The following EFNA5 variants were observed in gnomAD, a reference collection of about 807,000 sequenced individuals.
EFNA5 encodes ephrin-A5.
EFNA5 carries 5 observed loss-of-function variants against 22.9 expected under a neutral mutation model. The observed-to-expected ratio is 0.22, with a 90% CI of 0.11 to 0.46. EFNA5 has a LOEUF of 0.46. Among genes scored for constraint, EFNA5 ranks in the 20% least tolerant of loss-of-function variants. The probability of loss-of-function intolerance (pLI) is 0.99; values close to 1 mark genes in which losing one functional copy is unlikely to be tolerated. For synonymous variants in EFNA5, 113 were observed against 112.2 expected, an observed-to-expected ratio of 1.01 and a Z score of -0.04; for missense variants, 237 against 293.3, an observed-to-expected ratio of 0.81 and a Z score of 1.40.
At chr5:107,543,260 A>G (rs1236288781) in intron 1 of EFNA5, among the ~76,000 whole-genome samples, 1 of 152,254 alleles carries the variant, frequency 6.6e-6, no homozygotes, top group East Asian at 1.9e-4. Context: ...AGGGAAAAAA[A>G]GCTGGGGACT....
intron 1 of EFNA5, among the ~76,000 whole-genome samples, chr5:107,651,349 G>A (rs1750725642): frequency 2.0e-5 from 3 of 152,144 alleles, no homozygotes; most frequent in Admixed American, 6.6e-5. Flanking sequence ...ATAAATGGGA[G>A]CTATTCAAGT....
chr5:107,499,903 C>A (rs1747091683), intron 1 of EFNA5, among the ~76,000 whole-genome samples: 1 of 152,120 alleles, frequency 6.6e-6, no homozygotes, highest in African/African-American at 2.4e-5. Context: ...GCTAGCAACA[C>A]CAACTGGAAT....
chr5:107,468,268 T>C (rs1489678604), intron 1 of EFNA5, among the ~76,000 whole-genome samples: 4 of 152,204 alleles, frequency 2.6e-5, no homozygotes, highest in Admixed American at 6.5e-5. Flanking sequence ...TAGGCAAGAA[T>C]CACATTGTCA....
chr5:107,583,278 A>C (rs550941326), intron 1 of EFNA5, among the ~76,000 whole-genome samples: 17 of 152,314 alleles, frequency 1.1e-4, no homozygotes, highest in Non-Finnish European at 2.1e-4. Context: ...AGTCTGGCTA[A>C]ATTTAAAACA....
intron 1 of EFNA5, among the ~76,000 whole-genome samples, chr5:107,610,819 T>C (rs942073134): frequency 5.3e-5 from 8 of 152,108 alleles, no homozygotes; most frequent in African/African-American, 1.9e-4. Context: ...GAGCCTTCCA[T>C]AGCGGCACGG....
intron 1 of EFNA5, among the ~76,000 whole-genome samples, chr5:107,517,865 C>T (rs887195724): frequency 1.3e-5 from 2 of 152,062 alleles, no homozygotes; most frequent in South Asian, 2.1e-4. Context: ...ACTATAAAAG[C>T]GTTTTTGTCT....
intron 2 of EFNA5, among the ~76,000 whole-genome samples, chr5:107,394,548 G>C (rs1747870071): frequency 6.6e-6 from 1 of 152,146 alleles, no homozygotes; most frequent in Non-Finnish European, 1.5e-5. Context: ...AATAATTAGA[G>C]TAAACTTCAG....
chr5:107,540,344 C>A (rs163889), intron 1 of EFNA5, among the ~76,000 whole-genome samples: 49,630 of 151,998 alleles, frequency 0.33, 12,990 homozygotes, highest in African/African-American at 0.72. Context: ...AAGTTTGCTA[C>A]GGCTGTAAAA....
intron 1 of EFNA5, among the ~76,000 whole-genome samples, chr5:107,668,942 T>A (rs1469705138): frequency 1.3e-5 from 2 of 152,002 alleles, no homozygotes; most frequent in Non-Finnish European, 2.9e-5. Flanking sequence ...TCCAGGAGAC[T>A]CTTGTTTTTT....
At chr5:107,545,126 G>C (rs904946840) in intron 1 of EFNA5, among the ~76,000 whole-genome samples, 1 of 152,208 alleles carries the variant, frequency 6.6e-6, no homozygotes, top group Admixed American at 6.5e-5. Flanking sequence ...GGAAATAAAA[G>C]TCACACATCG....
chr5:107,502,051 C>T (rs748512727), intron 1 of EFNA5, among the ~76,000 whole-genome samples: 6 of 152,104 alleles, frequency 3.9e-5, no homozygotes, highest in East Asian at 1.9e-4. Flanking sequence ...GCATTGCCTA[C>T]GGAAGTTAGT....
chr5:107,640,328 A>G (rs893786732), intron 1 of EFNA5, among the ~76,000 whole-genome samples: 1 of 152,200 alleles, frequency 6.6e-6, no homozygotes, highest in African/African-American at 2.4e-5. Flanking sequence ...CATTATATCA[A>G]TGTTAAGAGA....
intron 1 of EFNA5, among the ~76,000 whole-genome samples, chr5:107,585,012 T>A (rs866305847): frequency 1.3e-5 from 2 of 152,114 alleles, no homozygotes; most frequent in Non-Finnish European, 2.9e-5. Flanking sequence ...CCCTGGTCAG[T>A]AGGGAAAGTC....
At chr5:107,425,276 A>G (rs561364691) in intron 2 of EFNA5, among the ~76,000 whole-genome samples, 1 of 152,276 alleles carries the variant, frequency 6.6e-6, no homozygotes, top group East Asian at 1.9e-4. Context: ...CAGGCAATCA[A>G]CTAGTTAGTT....
chr5:107,598,833 TGG>T (rs1387761939), intron 1 of EFNA5, among the ~76,000 whole-genome samples: 2 of 152,214 alleles, frequency 1.3e-5, no homozygotes, highest in Non-Finnish European at 2.9e-5. Context: ...TTTCACTGTA[TGG>T]CAAAATTCCA....
At chr5:107,631,030 C>T (rs866457977) in intron 1 of EFNA5, among the ~76,000 whole-genome samples, 9 of 152,060 alleles carry the variant, frequency 5.9e-5, no homozygotes, top group Non-Finnish European at 8.8e-5. Context: ...ATGGTAACAA[C>T]GTTTTCTTCT....
chr5:107,649,019 A>C (rs1374981638), intron 1 of EFNA5, among the ~76,000 whole-genome samples: 1 of 152,178 alleles, frequency 6.6e-6, no homozygotes, highest in Non-Finnish European at 1.5e-5. Flanking sequence ...CCCAGAAGAC[A>C]ACAATCCCCT....
At chr5:107,483,851 A>C (rs575593805) in intron 1 of EFNA5, among the ~76,000 whole-genome samples, 1 of 152,184 alleles carries the variant, frequency 6.6e-6, no homozygotes, top group Non-Finnish European at 1.5e-5. Context: ...ATTATTATTC[A>C]TCTGGTGGGT....
In EFNA5 at chr5:107,377,051, T is replaced by G. The variant is rs1389178403; in HGVS notation, c.*4204A>C. 6.6e-6 allele frequency: 1 copy of G among 151,812 alleles called. No homozygotes were observed. Among genetic ancestry groups the G allele is most frequent in the African/African-American group, 2.4e-5 (1 of 41,342 alleles). 9.4% of individuals were successfully genotyped at this position (151,812 alleles called of 1,614,324 possible). ...GTCAGCATTTCAAAACAGCACTCGA[T>G]GAGTAAGTGCAAAGGAACTGCAAAG... On this transcript the variant is annotated 3_prime_UTR_variant, in exon 5 of 5. Coordinates refer to ENST00000333274, the MANE Select transcript of EFNA5 (RefSeq NM_001962.3).
Sources: allele counts gnomAD v4.1 joint callset (sites outside exome capture counted in the v4.1 genomes callset), GRCh38; gene constraint gnomAD v4.1.1; transcripts MANE v1.5; gene names NCBI Gene and HGNC (gene_info 2026-07-23, HGNC 2026-07-21).